CDH13: variants seen among roughly 807,000 people sequenced by gnomAD.
CDH13 encodes the protein cadherin 13, also known as cadherin-13.
Under a neutral mutation model 63.8 loss-of-function variants are expected in CDH13, and 24 were observed. That is an observed-to-expected ratio of 0.38 (90% confidence interval 0.27 to 0.53). The LOEUF is 0.53. Ranked by LOEUF, CDH13 falls within the 20% of genes least tolerant of loss-of-function variation. The pLI is 0.85. For missense variants in CDH13, 1,049 were observed against 903.1 expected (o/e 1.16, Z -2.07); for synonymous variants, 503 against 355.3 (o/e 1.42, Z -4.67).
At chr16:83,530,414 C>T (rs2075057570) in intron 7 of CDH13, among the ~76,000 whole-genome samples, 1 of 152,170 alleles carries the variant, frequency 6.6e-6, no homozygotes, top group African/African-American at 2.4e-5. Context: ...TCTAAAGTTG[C>T]TTCGTAGTCA....
At chr16:83,252,617 T>G (rs987939872) in intron 5 of CDH13, among the ~76,000 whole-genome samples, 2 of 152,280 alleles carry the variant, frequency 1.3e-5, no homozygotes, top group Middle Eastern at 3.4e-3. Context: ...CGTTGGTGTC[T>G]CAGCCACAGT....
chr16:82,867,506 C>T (rs909796317), intron 2 of CDH13, among the ~76,000 whole-genome samples: 4 of 152,176 alleles, frequency 2.6e-5, no homozygotes, highest in African/African-American at 4.8e-5. Flanking sequence ...TTTCCACCCT[C>T]TCTGTTAGTT....
intron 2 of CDH13, among the ~76,000 whole-genome samples, chr16:83,008,773 C>G (rs146512474): frequency 9.2e-5 from 14 of 152,262 alleles, no homozygotes; most frequent in African/African-American, 2.2e-4. Context: ...TTCATCTTCA[C>G]AGATTATTCT....
chr16:82,671,255 C>T (rs1044678681), intron 1 of CDH13, among the ~76,000 whole-genome samples: 6 of 152,128 alleles, frequency 3.9e-5, no homozygotes, highest in African/African-American at 1.4e-4. Flanking sequence ...CAAAAGGGAA[C>T]CCAGAAGGGT....
chr16:83,776,872 G>A (rs1008351292), intron 11 of CDH13, among the ~76,000 whole-genome samples: 1 of 152,136 alleles, frequency 6.6e-6, no homozygotes, highest in Non-Finnish European at 1.5e-5. Flanking sequence ...TTCACCCTGG[G>A]TAACCACTTT....
chr16:82,825,640 G>A (rs1306553029), intron 1 of CDH13: 3 of 151,334 alleles, frequency 2.0e-5, no homozygotes, highest in African/African-American at 7.3e-5. Context: ...CCACCTCCTG[G>A]GTTCAGGGAA....
intron 3 of CDH13, among the ~76,000 whole-genome samples, chr16:83,077,187 T>TTTTTTTTTTTTTTTTTTTTTTTTTTTTC: frequency 3.3e-5 from 1 of 30,240 alleles, no homozygotes; most frequent in Non-Finnish European, 5.7e-5. Context: ...TTTTCTTTTC[T>TTTTTTTTTTTTTTTTTTTTTTTTTTTTC]TTTTTTTTTT....
At chr16:83,052,801 A>AT (rs796665223) in intron 3 of CDH13, among the ~76,000 whole-genome samples, 3 of 122,674 alleles carry the variant, frequency 2.4e-5, no homozygotes, top group East Asian at 4.6e-4. Context: ...AAAAAAAAAA[A>AT]AAAGAAAGAA....
At chr16:83,049,644 A>C (rs985642818) in intron 3 of CDH13, among the ~76,000 whole-genome samples, 4 of 152,078 alleles carry the variant, frequency 2.6e-5, no homozygotes, top group Non-Finnish European at 5.9e-5. Context: ...TACTTTGCAT[A>C]ATGTTGCAAG....
chr16:83,482,488 C>G (rs561920947), intron 6 of CDH13, among the ~76,000 whole-genome samples: 3 of 152,188 alleles, frequency 2.0e-5, no homozygotes, highest in Non-Finnish European at 4.4e-5. Context: ...CGGTGTTTGC[C>G]ACGTATTTCC....
At chr16:83,404,282 A>T (rs1240859295) in intron 6 of CDH13, among the ~76,000 whole-genome samples, 1 of 152,212 alleles carries the variant, frequency 6.6e-6, no homozygotes, top group Non-Finnish European at 1.5e-5. Context: ...GAACCAAAAA[A>T]CAAATTTCCC....
chr16:82,803,022 A>T (rs1047327813), intron 1 of CDH13, among the ~76,000 whole-genome samples: 4 of 152,162 alleles, frequency 2.6e-5, no homozygotes, highest in Admixed American at 2.6e-4. Flanking sequence ...TCTTCCTTCC[A>T]GTGTGCTATT....
At chr16:83,435,451 C>T (rs576755467) in intron 6 of CDH13, among the ~76,000 whole-genome samples, 1 of 152,282 alleles carries the variant, frequency 6.6e-6, no homozygotes, top group African/African-American at 2.4e-5. Context: ...TGCCCCAAAG[C>T]AACATCTAAC....
intron 1 of CDH13, among the ~76,000 whole-genome samples, chr16:82,680,018 A>C (rs1007513934): frequency 1.3e-5 from 2 of 152,164 alleles, no homozygotes; most frequent in East Asian, 1.9e-4. Context: ...TCTTCTTTGG[A>C]ATGGAGGTTC....
intron 8 of CDH13, among the ~76,000 whole-genome samples, chr16:83,637,339 G>A (rs1911357662): frequency 1.2e-5 from 1 of 83,632 alleles, no homozygotes; most frequent in Non-Finnish European, 2.2e-5. Flanking sequence ...GCAGAAGACG[G>A]TGATTTCTGC....
chr16:82,898,173 T>G (rs547034110), intron 2 of CDH13, among the ~76,000 whole-genome samples: 2 of 152,246 alleles, frequency 1.3e-5, no homozygotes, highest in Admixed American at 1.3e-4. Flanking sequence ...CGAAACATAT[T>G]GTTAAAATTA....
At chr16:83,495,859 C>G (rs975359922) in intron 7 of CDH13, among the ~76,000 whole-genome samples, 12 of 152,084 alleles carry the variant, frequency 7.9e-5, no homozygotes, top group African/African-American at 2.7e-4. Context: ...ACTTATATAA[C>G]CATTAACAGA....
chr16:83,647,152 C>T (rs1911902818), intron 8 of CDH13, among the ~76,000 whole-genome samples: 1 of 151,658 alleles, frequency 6.6e-6, no homozygotes, highest in Non-Finnish European at 1.5e-5. Flanking sequence ...CTACTAAAAA[C>T]ACAAAAAATT....
intron 1 of CDH13, among the ~76,000 whole-genome samples, chr16:82,788,221 T>C (rs2036118126): frequency 6.6e-6 from 1 of 151,984 alleles, no homozygotes; most frequent in Non-Finnish European, 1.5e-5. Context: ...TGCACAGGCG[T>C]TGTATATTTT....
Sources: allele counts gnomAD v4.1 joint callset (sites outside exome capture counted in the v4.1 genomes callset), GRCh38; gene constraint gnomAD v4.1.1; transcripts MANE v1.5; gene names NCBI Gene and HGNC (gene_info 2026-07-23, HGNC 2026-07-21).